Variants in CACNA2D1 observed in about 807,000 individuals in gnomAD.
CACNA2D1 encodes the protein voltage-dependent calcium channel subunit alpha-2/delta-1.
CACNA2D1 carries 53 observed loss-of-function variants against 171.5 expected under a neutral mutation model. That is an observed-to-expected ratio of 0.31 (90% CI 0.25 to 0.39). The LOEUF (loss-of-function observed/expected upper bound fraction) is 0.39. CACNA2D1 is among the 10% of genes least tolerant of loss of function. CACNA2D1 has a pLI of 1.00. For missense variants in CACNA2D1, 903 were observed against 1,299.8 expected (o/e 0.69, Z 4.69); for synonymous variants, 442 against 443.1 (o/e 1.00, Z 0.03).
chr7:82,069,018 C>T (rs1368197287), intron 7 of CACNA2D1, among the ~76,000 whole-genome samples: 1 of 152,070 alleles, frequency 6.6e-6, no homozygotes, highest in Non-Finnish European at 1.5e-5. Context: ...CTCTTAGAGG[C>T]TTTCTGAGAT....
intron 3 of CACNA2D1, among the ~76,000 whole-genome samples, chr7:82,203,241 C>CG (rs1307989111): frequency 1.3e-5 from 2 of 152,046 alleles, no homozygotes; most frequent in African/African-American, 4.8e-5. Context: ...GACACCAGCA[C>CG]GGATACATTC....
intron 4 of CACNA2D1, among the ~76,000 whole-genome samples, chr7:82,148,645 T>C (rs537966421): frequency 2.0e-4 from 31 of 152,286 alleles, no homozygotes; most frequent in Non-Finnish European, 3.8e-4. Context: ...ACCTTGTTTT[T>C]TGTTTTTTTG....
intron 5 of CACNA2D1, among the ~76,000 whole-genome samples, chr7:82,131,321 T>C (rs258699): frequency 0.27 from 41,718 of 152,032 alleles, 5,895 homozygotes; most frequent in East Asian, 0.43. Context: ...ATGCTACATA[T>C]GCCCAAGTAA....
intron 3 of CACNA2D1, among the ~76,000 whole-genome samples, chr7:82,192,151 G>T (rs2129186822): frequency 6.7e-6 from 1 of 149,980 alleles, no homozygotes; most frequent in East Asian, 2.0e-4. Context: ...TTAATGTAAA[G>T]AAACAGAAAA....
At chr7:81,965,273 TATTAA>T (rs1794602099) in intron 32 of CACNA2D1, among the ~76,000 whole-genome samples, 1 of 151,934 alleles carries the variant, frequency 6.6e-6, no homozygotes, top group Non-Finnish European at 1.5e-5. Context: ...ACAAGCTATA[TATTAA>T]ATTAGATACC....
rs1802812428 is a variant in CACNA2D1 at position 82,032,389 on chromosome 7, TTGAG to T, written c.1143+404_1143+407del. 2.0e-5 allele frequency among the ~76,000 whole-genome samples: 3 copies of T among 151,948 alleles called. No homozygotes were observed. The South Asian group carries it at 6.2e-4, about 32-fold the overall frequency. On this transcript the variant is annotated intron_variant, in intron 12 of 38. Transcript: ENST00000356860. ...TTACAAAACAATACTTAGACATTTT[TTGAG>T]TATTTAGGAAATTTGAGTATTACTG...
chr7:82,281,238 C>T (rs1365040101), intron 3 of CACNA2D1, among the ~76,000 whole-genome samples: 1 of 152,324 alleles, frequency 6.6e-6, no homozygotes, highest in African/African-American at 2.4e-5. Flanking sequence ...ATTGATAAGA[C>T]TGCTCTTGAA....
intron 15 of CACNA2D1, among the ~76,000 whole-genome samples, chr7:82,011,049 T>G (rs1799717192): frequency 6.6e-6 from 1 of 152,138 alleles, no homozygotes; most frequent in South Asian, 2.1e-4. Flanking sequence ...AAAGTAAAAA[T>G]TACATTTAAA....
At chr7:82,003,014 G>C (rs192159229) in intron 18 of CACNA2D1, among the ~76,000 whole-genome samples, 58 of 152,080 alleles carry the variant, frequency 3.8e-4, no homozygotes, top group Admixed American at 8.5e-4. Context: ...GATTTTGTTA[G>C]TATACTGTTA....
At chr7:82,263,678 CTTTTG>C (rs1486805032) in intron 3 of CACNA2D1, among the ~76,000 whole-genome samples, 8 of 152,102 alleles carry the variant, frequency 5.3e-5, no homozygotes, top group Non-Finnish European at 7.4e-5. Flanking sequence ...TATAGATATA[CTTTTG>C]TTTTGTTTCG....
Position 82,014,416 on chromosome 7 carries a change from C to A in CACNA2D1, c.1207G>T (p.Ala403Ser). 1 of 1,575,080 alleles carries A rather than the reference C, an allele frequency of 6.3e-7. No individual in the cohort carries two copies. The highest frequency in any genetic ancestry group is 8.7e-7 in the Non-Finnish European group (1 of 1,144,564). The change falls in exon 13 of 39, where the codon GCC (alanine) becomes TCC (serine). Residue 403 changes from alanine (A) to serine (S), a missense_variant. Transcript: ENST00000356860. ...NYDRGPIQWM[A>S]CENKGYYYEI... ...GATTTGTTACCTTTGTTTTCACAGG[C>A]CATCCACTGAATAGGTCCTCTGTCA...
intron 3 of CACNA2D1, among the ~76,000 whole-genome samples, chr7:82,315,242 G>A (rs1017710119): frequency 1.3e-5 from 2 of 152,048 alleles, no homozygotes; most frequent in African/African-American, 4.8e-5. Flanking sequence ...TCAGTGTAGA[G>A]ATACAGTGCA....
intron 18 of CACNA2D1, among the ~76,000 whole-genome samples, chr7:82,002,028 A>T (rs1344151017): frequency 6.8e-6 from 1 of 147,030 alleles, no homozygotes; most frequent in African/African-American, 2.6e-5. Context: ...TGACAAAAAA[A>T]AAAAAAAAAA....
intron 1 of CACNA2D1, among the ~76,000 whole-genome samples, chr7:82,424,006 T>C (rs1033840709): frequency 2.0e-5 from 3 of 152,190 alleles, no homozygotes; most frequent in Non-Finnish European, 4.4e-5. Flanking sequence ...TTTCTATTAA[T>C]TGATTTTCAT....
chr7:82,363,421 C>T (rs1821315404), intron 1 of CACNA2D1, among the ~76,000 whole-genome samples: 1 of 152,024 alleles, frequency 6.6e-6, no homozygotes, highest in East Asian at 1.9e-4. Context: ...CCTGCCACCA[C>T]TTCCGGCTAA....
chr7:82,299,178 A>G (rs1273395526), intron 3 of CACNA2D1, among the ~76,000 whole-genome samples: 4 of 152,168 alleles, frequency 2.6e-5, no homozygotes, highest in African/African-American at 9.7e-5. Flanking sequence ...AACATTAAAG[A>G]CATACTATGT....
At chr7:82,215,066 G>C in intron 3 of CACNA2D1, among the ~76,000 whole-genome samples, 1 of 152,092 alleles carries the variant, frequency 6.6e-6, no homozygotes, top group East Asian at 1.9e-4. Context: ...TGGTCTTAAA[G>C]CTTGAAATTT....
chr7:82,389,041 G>A (rs1164081436), intron 1 of CACNA2D1, among the ~76,000 whole-genome samples: 1 of 151,442 alleles, frequency 6.6e-6, no homozygotes, highest in African/African-American at 2.4e-5. Flanking sequence ...ACTTTAACCT[G>A]GGAGGTGGAG....
chr7:82,353,700 T>C (rs1419665035), intron 1 of CACNA2D1, among the ~76,000 whole-genome samples: 1 of 151,946 alleles, frequency 6.6e-6, no homozygotes, highest in Non-Finnish European at 1.5e-5. Flanking sequence ...TAAAGAAGTA[T>C]ACAGTCATCA....
Sources: allele counts gnomAD v4.1 joint callset (sites outside exome capture counted in the v4.1 genomes callset), GRCh38; gene constraint gnomAD v4.1.1; transcripts MANE v1.5; gene names NCBI Gene and HGNC (gene_info 2026-07-23, HGNC 2026-07-21).